CTNNA2: variants seen among roughly 807,000 people sequenced by gnomAD.
CTNNA2 encodes the protein catenin alpha-2.
In CTNNA2, 42 loss-of-function variants were observed where a neutral mutation model predicts 101.0. The ratio of observed to expected loss-of-function variants is 0.42; its 90% CI spans 0.32 to 0.54. CTNNA2 has a LOEUF of 0.54. Among genes scored for constraint, CTNNA2 ranks in the 20% least tolerant of loss-of-function variants. The pLI is 0.14. For missense variants in CTNNA2, 871 were observed against 1,223.1 expected, an observed-to-expected ratio of 0.71 and a Z score of 4.29; for synonymous variants, 450 against 456.4, an observed-to-expected ratio of 0.99 and a Z score of 0.18.
At chr2:79,803,882 C>A (rs1676360502) in intron 3 of CTNNA2, among the ~76,000 whole-genome samples, 1 of 152,172 alleles carries the variant, frequency 6.6e-6, no homozygotes, top group South Asian at 2.1e-4. Flanking sequence ...GTTAAAGAAC[C>A]ATTCTTTGTA....
chr2:79,335,572 C>T (rs564556836), intron 3 of CTNNA2, among the ~76,000 whole-genome samples: 1 of 152,126 alleles, frequency 6.6e-6, no homozygotes, highest in East Asian at 1.9e-4. Context: ...TTGAAAAGTC[C>T]CAAAAGTTCA....
intron 7 of CTNNA2, among the ~76,000 whole-genome samples, chr2:79,925,888 T>C (rs1352601939): frequency 2.0e-5 from 3 of 148,972 alleles, no homozygotes; most frequent in Non-Finnish European, 4.5e-5. Flanking sequence ...TTTTTTTTTT[T>C]CTGAAATACC....
At chr2:80,541,035 G>C (rs923451330) in intron 9 of CTNNA2, among the ~76,000 whole-genome samples, 3 of 152,128 alleles carry the variant, frequency 2.0e-5, no homozygotes, top group African/African-American at 7.2e-5. Flanking sequence ...TGAAGCTAAG[G>C]ATCATTTGCT....
chr2:79,436,882 C>T (rs1411463878), intron 4 of CTNNA2, among the ~76,000 whole-genome samples: 4 of 151,998 alleles, frequency 2.6e-5, no homozygotes, highest in Admixed American at 6.5e-5. Flanking sequence ...CCACCCTCCT[C>T]GGCCTCCCAA....
chr2:79,269,622 C>T (rs1372530926), intron 2 of CTNNA2, among the ~76,000 whole-genome samples: 1 of 152,138 alleles, frequency 6.6e-6, no homozygotes, highest in Non-Finnish European at 1.5e-5. Flanking sequence ...TCTTTCTTCA[C>T]CTGGGTAACT....
chr2:79,248,123 TCTGTCTCAGAAATA>T (rs1252546579), intron 2 of CTNNA2, among the ~76,000 whole-genome samples: 3 of 152,320 alleles, frequency 2.0e-5, no homozygotes, highest in Non-Finnish European at 4.4e-5. Flanking sequence ...CATTGGAAAA[TCTGTCTCAGAAATA>T]CTGTCTCAGA....
intron 9 of CTNNA2, among the ~76,000 whole-genome samples, chr2:80,437,070 C>G (rs1251598164): frequency 1.3e-5 from 2 of 152,146 alleles, no homozygotes; most frequent in Non-Finnish European, 2.9e-5. Context: ...CTCTTAGGCA[C>G]CTTCTGTGAG....
rs1674297728 is a variant in CTNNA2, at chr2:80,648,049, G to A, written c.*177G>A. 8 of 563,728 alleles carry A rather than the reference G, an allele frequency of 1.4e-5. No homozygotes were observed. Among genetic ancestry groups the A allele is most frequent in the Admixed American group, 9.8e-5 (3 of 30,544 alleles). 34.9% of individuals were successfully genotyped at this position (563,728 alleles called of 1,614,324 possible). On this transcript the variant is annotated 3_prime_UTR_variant, in exon 19 of 19. Transcript: ENST00000402739. Reference sequence around the variant, plus strand: ...GATCAATACTACTGATCCATCTGTAGCCTGGGAAGGAGACAGGACATTCCT... The same window carrying A: ...GATCAATACTACTGATCCATCTGTAACCTGGGAAGGAGACAGGACATTCCT...
intron 3 of CTNNA2, among the ~76,000 whole-genome samples, chr2:79,829,266 C>T (rs940473734): frequency 1.9e-4 from 29 of 151,790 alleles, no homozygotes; most frequent in Admixed American, 3.9e-4. Flanking sequence ...TGCCTGTAAT[C>T]CCAGCACTTT....
At chr2:80,221,781 G>T (rs1387635095) in intron 7 of CTNNA2, among the ~76,000 whole-genome samples, 1 of 152,336 alleles carries the variant, frequency 6.6e-6, no homozygotes, top group East Asian at 1.9e-4. Context: ...GGATGAGGTG[G>T]TATTGGACAG....
chr2:80,561,167 G>T (rs2149673941), intron 12 of CTNNA2, among the ~76,000 whole-genome samples: 1 of 152,204 alleles, frequency 6.6e-6, no homozygotes, highest in Non-Finnish European at 1.5e-5. Context: ...GTATGAGATT[G>T]ATGTCAGAAG....
chr2:79,321,863 C>G (rs547577822), intron 3 of CTNNA2, among the ~76,000 whole-genome samples: 1 of 152,076 alleles, frequency 6.6e-6, no homozygotes, highest in East Asian at 1.9e-4. Flanking sequence ...ATTCTCAGAG[C>G]AGTACATGCA....
At chr2:80,227,729 T>C (rs1708969240) in intron 7 of CTNNA2, among the ~76,000 whole-genome samples, 1 of 152,204 alleles carries the variant, frequency 6.6e-6, no homozygotes, top group South Asian at 2.1e-4. Flanking sequence ...GTCAACCAGA[T>C]TGACTGATGA....
intron 2 of CTNNA2, among the ~76,000 whole-genome samples, chr2:79,716,851 G>A (rs13008829): frequency 0.44 from 66,969 of 151,882 alleles, 16,298 homozygotes; most frequent in African/African-American, 0.67. Flanking sequence ...AAAAAATGTA[G>A]TCATGTTACT....
chr2:80,205,697 G>A (rs1032611293), intron 7 of CTNNA2, among the ~76,000 whole-genome samples: 2 of 152,068 alleles, frequency 1.3e-5, no homozygotes, highest in Non-Finnish European at 2.9e-5. Flanking sequence ...TGCCTCTCTT[G>A]CGGTTTTCCA....
chr2:79,402,088 A>G (rs1678295919), intron 4 of CTNNA2, among the ~76,000 whole-genome samples: 1 of 151,816 alleles, frequency 6.6e-6, no homozygotes, highest in Admixed American at 6.6e-5. Context: ...TAATAATAAA[A>G]TAGTCTATTA....
At chr2:80,388,672 T>C (rs1451379255) in intron 7 of CTNNA2, among the ~76,000 whole-genome samples, 2 of 152,214 alleles carry the variant, frequency 1.3e-5, no homozygotes, top group African/African-American at 4.8e-5. Context: ...TTTCCTTCTG[T>C]TCAGCAAAAA....
intron 2 of CTNNA2, among the ~76,000 whole-genome samples, chr2:79,246,662 G>T (rs1572997429): frequency 2.0e-5 from 3 of 152,206 alleles, no homozygotes; most frequent in South Asian, 4.1e-4. Context: ...GTTCAGGCAG[G>T]TTTACATATC....
At chr2:79,882,643 A>C (rs570756455) in intron 6 of CTNNA2, among the ~76,000 whole-genome samples, 253 of 152,328 alleles carry the variant, frequency 1.7e-3, no homozygotes, top group Middle Eastern at 6.8e-3. Flanking sequence ...TGTGTTAGGC[A>C]GTTGTACCTC....
Sources: allele counts gnomAD v4.1 joint callset (sites outside exome capture counted in the v4.1 genomes callset), GRCh38; gene constraint gnomAD v4.1.1; transcripts MANE v1.5; gene names NCBI Gene and HGNC (gene_info 2026-07-23, HGNC 2026-07-21).